SPC25: variants seen among roughly 807,000 people sequenced by gnomAD.
SPC25 encodes the protein SPC25 component of NDC80 kinetochore complex.
SPC25 carries 22 observed loss-of-function variants against 29.6 expected under a neutral mutation model. The observed-to-expected ratio is 0.74, with a 90% CI of 0.53 to 1.06. SPC25 has a LOEUF of 1.06. Among genes scored for constraint, SPC25 ranks in the 50% least tolerant of loss-of-function variants. The pLI is 0.00. For synonymous variants in SPC25, 91 were observed against 90.4 expected, an observed-to-expected ratio of 1.01 and a Z score of -0.04; for missense variants, 230 against 255.8, an observed-to-expected ratio of 0.90 and a Z score of 0.69.
chr2:168,863,311 T>G (rs1164743059), intron 4 of SPC25: 1 of 694,160 alleles, frequency 1.4e-6, no homozygotes, highest in Non-Finnish European at 1.8e-6. Flanking sequence ...CCTTTAAGAA[T>G]AGTGATTTAT....
At chr2:168,868,175 T>C (rs1689904124), downstream of SPC25, among the ~76,000 whole-genome samples, 2 of 152,236 alleles carry the variant, frequency 1.3e-5, no homozygotes, top group South Asian at 4.1e-4. Flanking sequence ...AGACACAACA[T>C]ACCAGAATCT....
chr2:168,879,507 C>A (rs75074489), intron 3 of SPC25, among the ~76,000 whole-genome samples: 1 of 152,224 alleles, frequency 6.6e-6, no homozygotes, highest in Non-Finnish European at 1.5e-5. Flanking sequence ...TCAGGCTCCA[C>A]TTCTAAATCT....
downstream of SPC25, among the ~76,000 whole-genome samples, chr2:168,866,325 T>A (rs1689850712): frequency 6.6e-6 from 1 of 152,306 alleles, no homozygotes; most frequent in Admixed American, 6.5e-5. Flanking sequence ...TAATCCCGCA[T>A]ATCTACAACT....
rs150521171 is a variant in SPC25, at chr2:168,882,365, G to T, written c.200-4981C>A. ...CTCACGCCTGTAATCCCTGCACTTT[G>T]CAACGCTCAGGCTGGCGGATCATGA... On this transcript the variant is annotated intron_variant, in intron 3 of 6. Coordinates refer to ENST00000282074, the MANE Select transcript of SPC25 (RefSeq NM_020675.4). Among the ~76,000 whole-genome samples the T allele has an allele frequency of 2.6e-3, 397 of 152,366 alleles. 1 individual carries two copies. Among genetic ancestry groups the T allele is most frequent in the African/African-American group, 9.1e-3 (379 of 41,596 alleles).
rs1689979225 is a variant in SPC25 at position 168,871,341 on chromosome 2, A to T, written c.*90T>A. On this transcript the variant is annotated 3_prime_UTR_variant, in exon 7 of 7. Transcript: ENST00000282074. ...GCACATTGTGCACATGTACCCTAAA[A>T]CTTAAAGTATAATAATAATAAAAAC... 16 of 1,287,420 alleles carry T rather than the reference A, an allele frequency of 1.2e-5. No individual in the cohort carries two copies. Among genetic ancestry groups the T allele is most frequent in the Non-Finnish European group, 1.7e-5 (16 of 961,856 alleles). The allele number at this position is 1,287,420 out of a possible 1,614,324, so 79.7% of individuals were successfully genotyped here.
chr2:168,887,859 C>A (rs889814946), intron 3 of SPC25, among the ~76,000 whole-genome samples: 4 of 152,190 alleles, frequency 2.6e-5, no homozygotes, highest in Non-Finnish European at 5.9e-5. Flanking sequence ...AACGTGAAAA[C>A]AAACTCATCT....
chr2:168,877,425 C>G (rs373205544), intron 3 of SPC25, 41 bp from the exon 4 acceptor site: 4 of 1,609,340 alleles, frequency 2.5e-6, no homozygotes, highest in Non-Finnish European at 3.4e-6. Flanking sequence ...ATGCTTGGCT[C>G]TCTGACATGT....
At chr2:168,885,635 C>T (rs1194783951) in intron 3 of SPC25, among the ~76,000 whole-genome samples, 1 of 151,648 alleles carries the variant, frequency 6.6e-6, no homozygotes, top group African/African-American at 2.4e-5. Flanking sequence ...CAGAACTTAA[C>T]AAGCTCTCAT....
chr2:168,886,424 T>C (rs71430652), intron 3 of SPC25, among the ~76,000 whole-genome samples: 17,973 of 152,260 alleles, frequency 0.12, 1,134 homozygotes, highest in African/African-American at 0.14. Context: ...TTATACTTTA[T>C]GCACTGTTGT....
At chr2:168,863,062 C>T (rs1689570868) in intron 4 of SPC25, among the ~76,000 whole-genome samples, 1 of 152,110 alleles carries the variant, frequency 6.6e-6, no homozygotes, top group Non-Finnish European at 1.5e-5. Flanking sequence ...ACCTAGAACC[C>T]ATGGATGCAG....
At chr2:168,877,024 A>G (rs1423797422) in intron 4 of SPC25, among the ~76,000 whole-genome samples, 2 of 152,198 alleles carry the variant, frequency 1.3e-5, no homozygotes, top group Non-Finnish European at 2.9e-5. Context: ...ATTATATTAA[A>G]AATAACAAGA....
At chr2:168,867,018 C>G (rs1215011133), downstream of SPC25, among the ~76,000 whole-genome samples, 1 of 152,108 alleles carries the variant, frequency 6.6e-6, no homozygotes, top group African/African-American at 2.4e-5. Context: ...CACTTTTACA[C>G]TGTTGGTGGG....
intron 3 of SPC25, among the ~76,000 whole-genome samples, chr2:168,878,996 T>TA (rs1690131545): frequency 6.6e-6 from 1 of 152,194 alleles, no homozygotes; most frequent in African/African-American, 2.4e-5. Context: ...GCATTATGGC[T>TA]AAAAAACAAA....
intron 5 of SPC25, among the ~76,000 whole-genome samples, chr2:168,875,652 T>C (rs1290139483): frequency 6.6e-6 from 1 of 151,904 alleles, no homozygotes; most frequent in Non-Finnish European, 1.5e-5. Context: ...TTTCTAAAAC[T>C]GAAAAAAATG....
chr2:168,876,946 A>T (rs1690097613), intron 4 of SPC25, among the ~76,000 whole-genome samples: 1 of 152,178 alleles, frequency 6.6e-6, no homozygotes, highest in Admixed American at 6.6e-5. Context: ...GTCCAAAGCA[A>T]ATTTTATTTA....
At chr2:168,885,460 T>C (rs1331994731) in intron 3 of SPC25, among the ~76,000 whole-genome samples, 1 of 152,206 alleles carries the variant, frequency 6.6e-6, no homozygotes. Context: ...TTCTGGCATA[T>C]AAATCCAATA....
downstream of SPC25, among the ~76,000 whole-genome samples, chr2:168,866,555 A>C (rs1236346358): frequency 1.7e-4 from 25 of 148,604 alleles, no homozygotes; most frequent in African/African-American, 4.1e-4. Context: ...ACCATTCAGG[A>C]CATAGGCATG....
At position 168,889,219 on chromosome 2, in the gene SPC25, C is replaced by T. The variant is rs758554456; in HGVS notation, c.199+7G>A. The T allele has an allele frequency of 1.9e-6, 3 of 1,608,744 alleles. No homozygotes were observed. Among genetic ancestry groups the T allele is most frequent in the Non-Finnish European group, 2.5e-6 (3 of 1,178,150 alleles). On this transcript the variant is annotated splice_region_variant and intron_variant, in intron 3 of 6. Coordinates refer to ENST00000282074, the MANE Select transcript of SPC25 (RefSeq NM_020675.4). ...AAAAACCCCATGATTTATACTTTTT[C>T]ACATACGATTTTGATATTCCAGAAA...
chr2:168,877,383 C>T lies in SPC25; in HGVS notation c.201G>A (p.Gln67=). Residue 67 remains glutamine, a splice_region_variant and synonymous_variant, in exon 4 of 7, where the codon CAG becomes CAA. Transcript: ENST00000282074. ...GAATGAGCTTATTTTGCCTGCTGAT[C>T]TCTGTAAGAAGCACAAGGTATTAGC... The part of the protein sequence containing the change: ...MVEMFLEYQN[Q]ISRQNKLIQE... 6.2e-7 allele frequency: 1 copy of T among 1,613,566 alleles called. No individual in the cohort carries two copies. The highest frequency in any genetic ancestry group is 8.5e-7 in the Non-Finnish European group (1 of 1,179,780).
Sources: allele counts gnomAD v4.1 joint callset (sites outside exome capture counted in the v4.1 genomes callset), GRCh38; gene constraint gnomAD v4.1.1; transcripts MANE v1.5; gene names NCBI Gene and HGNC (gene_info 2026-07-23, HGNC 2026-07-21).